The following CHRNB1 variants were observed in gnomAD, a reference collection of about 807,000 sequenced individuals.
CHRNB1 encodes the protein acetylcholine receptor subunit beta.
In CHRNB1, 47 loss-of-function variants were observed where a neutral mutation model predicts 53.8. The observed-to-expected ratio is 0.87, with a 90% CI of 0.69 to 1.11. CHRNB1 has a LOEUF of 1.11. Ranked by LOEUF, CHRNB1 falls within the 50% of genes most tolerant of loss-of-function variation. The pLI, the probability that CHRNB1 is intolerant of heterozygous loss-of-function variation, is 0.00. For missense variants in CHRNB1, 605 were observed against 654.9 expected (o/e 0.92, Z 0.83); for synonymous variants, 259 against 263.5 (o/e 0.98, Z 0.16).
In CHRNB1 at chr17:7,455,332, C is replaced by A; in HGVS notation, c.1093C>A (p.Pro365Thr). 1 of 1,614,148 alleles carries A rather than the reference C, an allele frequency of 6.2e-7. No individual in the cohort carries two copies. The highest frequency in any genetic ancestry group is 1.7e-5 in the Admixed American group (1 of 60,016). Reference protein sequence around the residue: ...PLYLRLKRPKPERDLMPEPPH... With the variant: ...PLYLRLKRPKTERDLMPEPPH... ...GTACCTGCGTCTAAAAAGGCCCAAA[C>A]CCGAGAGAGACCTGATGCCGGAGCC... Residue 365 changes from proline to threonine, a missense_variant, in exon 9 of 11, where the codon CCC becomes ACC. Pro to Thr is a conservative substitution (Grantham distance 38). Coordinates refer to ENST00000306071, the MANE Select transcript of CHRNB1 (RefSeq NM_000747.3).
intron 7 of CHRNB1, among the ~76,000 whole-genome samples, chr17:7,452,061 T>C (rs1397082280): frequency 3.3e-5 from 5 of 150,190 alleles, no homozygotes; most frequent in Admixed American, 6.6e-5. Flanking sequence ...CTTTTTCTTT[T>C]TTTTTTTTTT....
Position 7,454,459 on chromosome 17 carries a change from T to C in CHRNB1, c.983T>C (p.Val328Ala), listed in dbSNP as rs1247175818. The change falls in exon 8 of 11, where the codon GTG (valine) becomes GCG (alanine). Residue 328 changes from valine (V) to alanine (A), a missense_variant. Physicochemically the swap from Val to Ala is moderately conservative, Grantham distance 64. Coordinates refer to ENST00000306071, the MANE Select transcript of CHRNB1 (RefSeq NM_000747.3). ...LVTFSVILSV[V>A]VLNLHHRSPH... ...ACCTTCTCAGTCATCCTTAGTGTCG[T>C]GGTTCTCAACCTGCACCACCGCTCA... The C allele has an allele frequency of 6.8e-6, 11 of 1,614,030 alleles. No homozygotes were observed. The highest frequency in any genetic ancestry group is 6.7e-5 in the Admixed American group (4 of 59,988).
rs1908659817 is a variant in CHRNB1, at chr17:7,446,939, A to AC, written c.351dup (p.Asn118GlnfsTer3). The AC allele has an allele frequency of 1.2e-6, 2 of 1,611,732 alleles. No homozygotes were observed. The highest frequency in any genetic ancestry group is 1.7e-6 in the Non-Finnish European group (2 of 1,178,616). ...TGGCTCCCTGACGTGGTGCTACTGA[A>AC]CAAGTAGGAGAACTTCCAAAGCCCG... On this transcript the variant is annotated frameshift_variant, in exon 4 of 11. Transcript: ENST00000306071. LOFTEE classifies it high-confidence loss of function.
Position 7,448,671 on chromosome 17 carries a change from G to A in CHRNB1, c.703G>A (p.Val235Ile), listed in dbSNP as rs777878442. The change falls in exon 7 of 11, where the codon GTC becomes ATC. Residue 235 changes from valine to isoleucine, a missense_variant. Val to Ile is a conservative substitution (Grantham distance 29). Transcript: ENST00000306071. Reference sequence around the variant, plus strand: ...AGGGAGGGAAGGACAGCGCCAGGAAGTCATCTTCTACCTCATCATCCGCCG... The same window carrying A: ...AGGGAGGGAAGGACAGCGCCAGGAAATCATCTTCTACCTCATCATCCGCCG... ...RGGREGQRQE[V>I]IFYLIIRRKP... The A allele has an allele frequency of 1.2e-6, 2 of 1,614,162 alleles. No homozygotes were observed. The highest frequency in any genetic ancestry group is 8.5e-7 in the Non-Finnish European group (1 of 1,180,034).
chr17:7,456,210 C>T (rs1191777766), intron 10 of CHRNB1, among the ~76,000 whole-genome samples: 7 of 151,864 alleles, frequency 4.6e-5, no homozygotes, highest in African/African-American at 1.7e-4. Flanking sequence ...CGCGCCACCA[C>T]GCCTGGCTAA....
chr17:7,446,058 T>G lies in CHRNB1; in HGVS notation c.199-11T>G. 1.2e-6 allele frequency: 2 copies of G among 1,613,768 alleles called. No homozygotes were observed. Among genetic ancestry groups the G allele is most frequent in the African/African-American group, 1.3e-5 (1 of 75,024 alleles). On this transcript the variant is annotated splice_polypyrimidine_tract_variant and intron_variant, in intron 2 of 10. Transcript: ENST00000306071. ...TACTTCACCTTTACGCCTTAAATTT[T>G]TCCCTTCTAGAACGAGAAGGATGAA... is the stretch of plus-strand genomic sequence containing the variant.
rs1189497465 is a variant in CHRNB1, at chr17:7,445,587, G to A, written c.198+178G>A. Reference sequence around the variant, plus strand: ...ACCAATGGACAAGCTCTGGCCGTGGGTGGTGGACGGGCCTGGAGTAGAACT... The same window carrying A: ...ACCAATGGACAAGCTCTGGCCGTGGATGGTGGACGGGCCTGGAGTAGAACT... On this transcript the variant is annotated intron_variant, in intron 2 of 10. Transcript: ENST00000306071. This position sits in a 1 kb window ranked among gnomAD's most constrained non-coding sequence, Gnocchi z 5.7. 9 of 1,479,720 alleles carry A rather than the reference G, an allele frequency of 6.1e-6. No individual in the cohort carries two copies. Among genetic ancestry groups the A allele is most frequent in the South Asian group, 2.7e-5 (2 of 74,390 alleles). The allele number at this position is 1,479,720 out of a possible 1,614,324, so 91.7% of individuals were successfully genotyped here. A position where few individuals can be genotyped will look rare whatever the true frequency, so the allele number is the denominator to read the frequency against.
intron 7 of CHRNB1, among the ~76,000 whole-genome samples, chr17:7,450,599 TTG>T (rs1908850252): frequency 6.6e-6 from 1 of 152,234 alleles, no homozygotes; most frequent in Admixed American, 6.5e-5. Flanking sequence ...GGGTTGTTTT[TTG>T]TTTTTCTTTT....
intron 6 of CHRNB1, 91 bp downstream of exon 6, chr17:7,447,741 C>A: frequency 6.7e-7 from 1 of 1,492,030 alleles, no homozygotes; most frequent in Non-Finnish European, 9.3e-7. Context: ...CCCAATATAG[C>A]CCTGTGGGGT....
intron 10 of CHRNB1, 71 bp from the exon 11 acceptor site, chr17:7,456,512 G>C: frequency 3.1e-6 from 5 of 1,596,692 alleles, no homozygotes; most frequent in Non-Finnish European, 3.4e-6. Context: ...CGGGTAGCGG[G>C]CGGGGAAATG....
chr17:7,450,861 A>G (rs1908858586), intron 7 of CHRNB1, among the ~76,000 whole-genome samples: 1 of 152,190 alleles, frequency 6.6e-6, no homozygotes, highest in South Asian at 2.1e-4. Context: ...TATTCAAAAC[A>G]TGCTTTCCTC....
chr17:7,445,224 G>A lies in CHRNB1; in HGVS notation c.58+39G>A. ...CCGAAGGGGCAGTGACGGGGCCAGC[G>A]GTCGTGGCCAGGCACCAGGGCTGCA... is the stretch of plus-strand genomic sequence containing the variant. On this transcript the variant is annotated intron_variant, in intron 1 of 10. Transcript: ENST00000306071. This position sits in a 1 kb window ranked among gnomAD's most constrained non-coding sequence, Gnocchi z 5.7. The A allele has an allele frequency of 6.2e-7, 1 of 1,611,650 alleles. No homozygotes were observed. Among genetic ancestry groups the A allele is most frequent in the Non-Finnish European group, 8.5e-7 (1 of 1,179,458 alleles).
chr17:7,447,798 C>T, intron 6 of CHRNB1, 148 bp downstream of exon 6: 1 of 1,024,214 alleles, frequency 9.8e-7, no homozygotes, highest in Non-Finnish European at 1.5e-6. Flanking sequence ...ATGGAAATTG[C>T]CGGGGGCAGT....
chr17:7,447,201 T>C (rs976624570), intron 5 of CHRNB1, 50 bp downstream of exon 5: 3 of 1,498,776 alleles, frequency 2.0e-6, no homozygotes, highest in African/African-American at 2.7e-5. Flanking sequence ...AAATCCTCCC[T>C]TTCCTTAGAC....
Position 7,446,901 on chromosome 17 carries a change from G to A in CHRNB1, c.312G>A (p.Thr104=), listed in dbSNP as rs771326232. Residue 104 remains threonine (T), a synonymous_variant, in exon 4 of 11, where the codon ACG becomes ACA. Transcript: ENST00000306071. ...ACGGCATCGATTCGCTCCGCATCAC[G>A]GCGGAATCCGTGTGGCTCCCTGACG... ...EHDGIDSLRI[T]AESVWLPDVV... The A allele has an allele frequency of 5.6e-6, 9 of 1,613,992 alleles. No individual in the cohort carries two copies. Among genetic ancestry groups the A allele is most frequent in the South Asian group, 5.5e-5 (5 of 91,078 alleles).
chr17:7,447,126 T>C lies in CHRNB1; in HGVS notation c.437T>C (p.Ile146Thr), dbSNP rs1197633790. 1 of 1,613,954 alleles carries C rather than the reference T, an allele frequency of 6.2e-7. No homozygotes were observed. The highest frequency in any genetic ancestry group is 1.3e-5 in the African/African-American group (1 of 74,892). ...TCCGTGCGTTGGCAACCCCCGGGCA[T>C]CTATCGCAGCAGCTGCAGCATCCAG... ...DGSVRWQPPGIYRSSCSIQVT... is the reference protein window; with the variant it reads ...DGSVRWQPPGTYRSSCSIQVT... The change falls in exon 5 of 11, where the codon ATC (isoleucine) becomes ACC (threonine). Residue 146 changes from isoleucine (I) to threonine (T), a missense_variant. Transcript: ENST00000306071.
Position 7,456,803 on chromosome 17 carries a change from C to A in CHRNB1, c.*80C>A. On this transcript the variant is annotated 3_prime_UTR_variant, in exon 11 of 11. Coordinates refer to ENST00000306071, the MANE Select transcript of CHRNB1 (RefSeq NM_000747.3). Reference sequence around the variant, plus strand: ...TACTGTCAAGCCCTATCCTTCTCTGCCTCTTAACTCCTTCACGAGGAATCT... The same window carrying A: ...TACTGTCAAGCCCTATCCTTCTCTGACTCTTAACTCCTTCACGAGGAATCT... 1 of 1,562,032 alleles carries A rather than the reference C, an allele frequency of 6.4e-7. No individual in the cohort carries two copies. The highest frequency in any genetic ancestry group is 8.8e-7 in the Non-Finnish European group (1 of 1,136,672).
chr17:7,448,948 C>A (rs1052319625), intron 7 of CHRNB1, among the ~76,000 whole-genome samples, 160 bp downstream of exon 7: 1 of 152,092 alleles, frequency 6.6e-6, no homozygotes, highest in Non-Finnish European at 1.5e-5. Context: ...ACCTTTCCTC[C>A]GCTCAGTGAA....
chr17:7,445,082 G>A lies in CHRNB1; in HGVS notation c.-46G>A. 3.1e-6 allele frequency: 5 copies of A among 1,588,798 alleles called. No homozygotes were observed. Among genetic ancestry groups the A allele is most frequent in the South Asian group, 2.3e-5 (2 of 88,616 alleles). ...CCTCGTCACTTCCCCTGTGCTGGCG[G>A]TCCCAGCGGCTCTCTGAGCGAAGTC... On this transcript the variant is annotated 5_prime_UTR_variant, in exon 1 of 11. Coordinates refer to ENST00000306071, the MANE Select transcript of CHRNB1 (RefSeq NM_000747.3). This position sits in a 1 kb window ranked among gnomAD's most constrained non-coding sequence, Gnocchi z 5.7.
Sources: gnomAD v4.1 joint callset for allele counts (sites outside exome capture counted in the v4.1 genomes callset) on GRCh38, gnomAD v4.1.1 for gene constraint, Gnocchi (gnomAD v3.1) non-coding constraint, MANE v1.5 for transcripts, NCBI Gene and HGNC (gene_info 2026-07-23, HGNC 2026-07-21) for gene names.